Variants in RNGTT observed in about 807,000 individuals in gnomAD.
The protein encoded by RNGTT is mRNA-capping enzyme.
RNGTT carries 33 observed loss-of-function variants against 79.3 expected under a neutral mutation model. That is an observed-to-expected ratio of 0.42 (90% CI 0.32 to 0.56). The LOEUF is 0.56. RNGTT is among the 20% of genes least tolerant of loss of function. RNGTT has a pLI of 0.17. For synonymous variants in RNGTT, 222 were observed against 235.9 expected (o/e 0.94, Z 0.54); for missense variants, 497 against 739.1 (o/e 0.67, Z 3.80).
intron 12 of RNGTT, among the ~76,000 whole-genome samples, chr6:88,775,676 GT>G (rs1480921009): frequency 1.3e-5 from 2 of 152,138 alleles, no homozygotes; most frequent in African/African-American, 4.8e-5. Context: ...AACTGGGTTT[GT>G]TTCTCCCCCA....
chr6:88,956,754 G>A (rs963863279), intron 1 of RNGTT, among the ~76,000 whole-genome samples: 16 of 152,148 alleles, frequency 1.1e-4, no homozygotes, highest in African/African-American at 3.9e-4. Context: ...GTCAATAAAT[G>A]TTGGCCAGGC....
intron 13 of RNGTT, among the ~76,000 whole-genome samples, chr6:88,725,033 T>C (rs935355670): frequency 6.6e-6 from 1 of 152,216 alleles, no homozygotes; most frequent in African/African-American, 2.4e-5. Context: ...CACCCTTCTA[T>C]AGAAGTACCT....
At chr6:88,699,337 A>G (rs1337442217) in intron 13 of RNGTT, among the ~76,000 whole-genome samples, 5 of 152,178 alleles carry the variant, frequency 3.3e-5, no homozygotes, top group Admixed American at 2.0e-4. Flanking sequence ...TTGTACACCA[A>G]TGTTCACTGT....
chr6:88,689,899 T>C (rs1219315567), intron 13 of RNGTT, among the ~76,000 whole-genome samples: 8 of 151,432 alleles, frequency 5.3e-5, no homozygotes, highest in African/African-American at 1.9e-4. Context: ...ATAGCAACTT[T>C]AGAGAAACAC....
intron 4 of RNGTT, among the ~76,000 whole-genome samples, chr6:88,913,162 A>G (rs1488762145): frequency 6.6e-6 from 1 of 150,384 alleles, no homozygotes; most frequent in Non-Finnish European, 1.5e-5. Flanking sequence ...CTAAGATTGC[A>G]GCACTGCACT....
intron 13 of RNGTT, among the ~76,000 whole-genome samples, chr6:88,738,585 G>C (rs1275420207): frequency 6.6e-6 from 1 of 152,128 alleles, no homozygotes; most frequent in African/African-American, 2.4e-5. Flanking sequence ...GGCAGAGGTT[G>C]CAGTGAGCCA....
intron 8 of RNGTT, among the ~76,000 whole-genome samples, chr6:88,875,505 T>C (rs1434479843): frequency 1.3e-5 from 2 of 152,086 alleles, no homozygotes; most frequent in Non-Finnish European, 2.9e-5. Flanking sequence ...TATCAAAATA[T>C]TGAAAAAATA....
intron 14 of RNGTT, among the ~76,000 whole-genome samples, chr6:88,646,206 A>C (rs575597949): frequency 1.7e-3 from 257 of 152,380 alleles, no homozygotes; most frequent in Admixed American, 3.3e-3. Flanking sequence ...GACACTTCTC[A>C]AAAGAAGACA....
At chr6:88,725,459 G>A (rs1776860483) in intron 13 of RNGTT, among the ~76,000 whole-genome samples, 1 of 152,234 alleles carries the variant, frequency 6.6e-6, no homozygotes, top group Non-Finnish European at 1.5e-5. Context: ...AGAAACCGCA[G>A]GGGCGGTAAA....
intron 10 of RNGTT, among the ~76,000 whole-genome samples, chr6:88,849,367 C>T (rs979997656): frequency 6.6e-5 from 10 of 151,948 alleles, no homozygotes; most frequent in African/African-American, 2.4e-4. Context: ...CAATTTATTA[C>T]CCATTCAACA....
chr6:88,672,248 CACAT>C (rs1180024774), intron 14 of RNGTT, among the ~76,000 whole-genome samples: 1 of 143,372 alleles, frequency 7.0e-6, no homozygotes, highest in Non-Finnish European at 1.5e-5. Context: ...TACACACACA[CACAT>C]ATATACACAC....
chr6:88,620,461 T>G (rs1038453647), intron 14 of RNGTT, among the ~76,000 whole-genome samples: 1 of 152,218 alleles, frequency 6.6e-6, no homozygotes, highest in Non-Finnish European at 1.5e-5. Flanking sequence ...ATGGTGGAAT[T>G]AGAAGTGACT....
chr6:88,738,145 G>A (rs1342316222), intron 13 of RNGTT, among the ~76,000 whole-genome samples: 4 of 152,058 alleles, frequency 2.6e-5, no homozygotes, highest in African/African-American at 7.2e-5. Context: ...GATAGAAATC[G>A]CACTTCATCT....
intron 4 of RNGTT, among the ~76,000 whole-genome samples, chr6:88,910,716 G>GA (rs372847784): frequency 5.9e-5 from 9 of 152,040 alleles, no homozygotes; most frequent in East Asian, 1.9e-4. Flanking sequence ...CTATGTAAAA[G>GA]AAAAAATCTT....
chr6:88,860,531 T>C (rs1267225625), intron 8 of RNGTT, among the ~76,000 whole-genome samples: 3 of 152,224 alleles, frequency 2.0e-5, no homozygotes, highest in Non-Finnish European at 4.4e-5. Context: ...CAGCAAGTGC[T>C]AATGGTGGCT....
chr6:88,870,416 C>G (rs1341320261), intron 8 of RNGTT, among the ~76,000 whole-genome samples: 1 of 151,572 alleles, frequency 6.6e-6, no homozygotes, highest in East Asian at 1.9e-4. Context: ...CTTTTCTATC[C>G]TATGAACATA....
chr6:88,949,159 GAA>G, intron 1 of RNGTT, among the ~76,000 whole-genome samples: 9,875 of 50,244 alleles, frequency 0.2, 701 homozygotes, highest in East Asian at 0.48. Context: ...AAAATAAAAT[GAA>G]AAAAAAAAAA....
In RNGTT at chr6:88,913,253, T is replaced by A. The variant is rs573782752; in HGVS notation, c.368-6813A>T. ...AAAAAAAAAAAAGCCCTAGACCAGA[T>A]GGATTCCCAGCCCAATTCTACCAGA... On this transcript the variant is annotated intron_variant, in intron 4 of 15. Coordinates refer to ENST00000369485, the MANE Select transcript of RNGTT (RefSeq NM_003800.5). 1.9e-4 allele frequency among the ~76,000 whole-genome samples: 28 copies of A among 144,874 alleles called. 1 individual carries two copies. The highest frequency in any genetic ancestry group is 3.8e-4 in the Non-Finnish European group (25 of 66,550).
At chr6:88,649,506 G>A (rs533738108) in intron 14 of RNGTT, among the ~76,000 whole-genome samples, 3 of 152,306 alleles carry the variant, frequency 2.0e-5, no homozygotes, top group African/African-American at 7.2e-5. Flanking sequence ...GACCAGCCTG[G>A]CTAACACGGT....
Sources: gnomAD v4.1 joint callset for allele counts (sites outside exome capture counted in the v4.1 genomes callset) on GRCh38, gnomAD v4.1.1 for gene constraint, MANE v1.5 for transcripts, NCBI Gene and HGNC (gene_info 2026-07-23, HGNC 2026-07-21) for gene names.